PACRG: variants seen among roughly 807,000 people sequenced by gnomAD.
PACRG encodes parkin coregulated, also known as parkin coregulated gene protein.
Under a neutral mutation model 29.7 loss-of-function variants are expected in PACRG, and 29 were observed. The observed-to-expected ratio is 0.98, with a 90% CI of 0.73 to 1.33. The LOEUF is 1.33. PACRG is among the 40% of genes most tolerant of loss of function. PACRG has a pLI of 0.00. For synonymous variants in PACRG, 116 were observed against 118.7 expected (o/e 0.98, Z 0.15); for missense variants, 279 against 316.2 (o/e 0.88, Z 0.89).
chr6:163,167,670 A>C (rs1187252489), intron 4 of PACRG, among the ~76,000 whole-genome samples: 1 of 152,190 alleles, frequency 6.6e-6, no homozygotes, highest in Non-Finnish European at 1.5e-5. Context: ...GAAAGCTATT[A>C]TTTTTCTAAA....
chr6:163,195,077 C>G (rs116367432), intron 4 of PACRG, among the ~76,000 whole-genome samples: 340 of 152,204 alleles, frequency 2.2e-3, no homozygotes, highest in African/African-American at 7.6e-3. Context: ...AGAGGGAGTC[C>G]ACTTCTCTTG....
chr6:162,960,237 C>A (rs1398590269), intron 2 of PACRG, among the ~76,000 whole-genome samples: 1 of 152,154 alleles, frequency 6.6e-6, no homozygotes, highest in African/African-American at 2.4e-5. Flanking sequence ...ACCATTTGAC[C>A]CAACAATCCC....
At chr6:162,957,698 A>G (rs1481570128) in intron 2 of PACRG, 1 of 152,728 alleles carries the variant, frequency 6.5e-6, no homozygotes, top group Non-Finnish European at 1.5e-5. Context: ...ACATGCATAT[A>G]AAAAAGGATC....
intron 4 of PACRG, among the ~76,000 whole-genome samples, chr6:163,265,988 T>C (rs1783517943): frequency 6.6e-6 from 1 of 152,240 alleles, no homozygotes; most frequent in South Asian, 2.1e-4. Flanking sequence ...AAATTCATTC[T>C]GTCAACACTT....
chr6:162,788,729 T>C (rs1279614469), intron 1 of PACRG, among the ~76,000 whole-genome samples: 1 of 152,206 alleles, frequency 6.6e-6, no homozygotes, highest in Non-Finnish European at 1.5e-5. Context: ...TGATACCTCA[T>C]TTTTTAAATT....
At chr6:163,010,951 G>T (rs1023991939) in intron 2 of PACRG, among the ~76,000 whole-genome samples, 1 of 152,236 alleles carries the variant, frequency 6.6e-6, no homozygotes, top group Non-Finnish European at 1.5e-5. Context: ...CCCTTAGGAG[G>T]ATCTGCTGCA....
intron 1 of PACRG, among the ~76,000 whole-genome samples, chr6:162,774,779 C>A (rs1410188878): frequency 1.3e-5 from 2 of 152,170 alleles, no homozygotes; most frequent in East Asian, 1.9e-4. Context: ...AATCACTCTT[C>A]TACTACTGAA....
At chr6:163,117,480 A>G (rs918603641) in intron 4 of PACRG, among the ~76,000 whole-genome samples, 5 of 152,194 alleles carry the variant, frequency 3.3e-5, no homozygotes, top group African/African-American at 1.2e-4. Context: ...GGCCAGGTCC[A>G]GTAGCTCATG....
intron 2 of PACRG, among the ~76,000 whole-genome samples, chr6:163,061,716 A>C (rs375015969): frequency 3.1e-4 from 47 of 152,140 alleles, no homozygotes; most frequent in African/African-American, 9.4e-4. Flanking sequence ...ATGAACATGC[A>C]CTTCTGTAGC....
intron 4 of PACRG, among the ~76,000 whole-genome samples, chr6:163,162,744 G>A (rs890989196): frequency 2.6e-5 from 4 of 152,258 alleles, no homozygotes; most frequent in Admixed American, 6.5e-5. Context: ...TGGTAGGGCT[G>A]CAGCCAGGGT....
chr6:163,141,006 T>C (rs493116), intron 4 of PACRG, among the ~76,000 whole-genome samples: 13,149 of 152,162 alleles, frequency 0.086, 580 homozygotes, highest in Admixed American at 0.13. Context: ...ATTAAATATG[T>C]AAATTGTATC....
At chr6:163,147,243 C>A (rs1777839162) in intron 4 of PACRG, among the ~76,000 whole-genome samples, 1 of 152,162 alleles carries the variant, frequency 6.6e-6, no homozygotes, top group South Asian at 2.1e-4. Flanking sequence ...TTAAAGGAAG[C>A]AATATGAGCA....
intron 1 of PACRG, among the ~76,000 whole-genome samples, chr6:162,739,489 A>T (rs1780406344): frequency 6.6e-6 from 1 of 152,152 alleles, no homozygotes; most frequent in African/African-American, 2.4e-5. Flanking sequence ...CATAAATTTT[A>T]AATTTAACTT....
chr6:163,158,637 T>C (rs772028304), intron 4 of PACRG, among the ~76,000 whole-genome samples: 12 of 152,182 alleles, frequency 7.9e-5, no homozygotes, highest in South Asian at 2.1e-4. Context: ...GAAGAGGTAA[T>C]AGCAAAATAT....
chr6:162,788,411 C>T (rs1784680553), intron 1 of PACRG, among the ~76,000 whole-genome samples: 1 of 152,140 alleles, frequency 6.6e-6, no homozygotes, highest in Non-Finnish European at 1.5e-5. Flanking sequence ...TATCCATTCA[C>T]CCACTGAAGG....
At chr6:162,842,070 C>T (rs1359277541) in intron 2 of PACRG, among the ~76,000 whole-genome samples, 1 of 149,798 alleles carries the variant, frequency 6.7e-6, no homozygotes, top group African/African-American at 2.4e-5. Flanking sequence ...AATGTATATT[C>T]TGTTGATTTG....
chr6:163,308,962 A>G (rs1378351296), intron 4 of PACRG, among the ~76,000 whole-genome samples: 1 of 152,246 alleles, frequency 6.6e-6, no homozygotes, highest in Non-Finnish European at 1.5e-5. Flanking sequence ...TTTTTAGTTC[A>G]GCATTTGAGA....
At chr6:163,028,340 T>A (rs1807339202) in intron 2 of PACRG, among the ~76,000 whole-genome samples, 1 of 152,176 alleles carries the variant, frequency 6.6e-6, no homozygotes, top group East Asian at 1.9e-4. Context: ...CTAGTGACAC[T>A]CTTTGGGCAT....
intron 2 of PACRG, among the ~76,000 whole-genome samples, chr6:162,947,349 A>AT (rs1491156729): frequency 2.4e-5 from 1 of 41,776 alleles, no homozygotes; most frequent in African/African-American, 1.1e-4. Flanking sequence ...TATAATGATT[A>AT]CATATATATA....
Sources: gnomAD v4.1 joint callset for allele counts (sites outside exome capture counted in the v4.1 genomes callset) on GRCh38, gnomAD v4.1.1 for gene constraint, MANE v1.5 for transcripts, NCBI Gene and HGNC (gene_info 2026-07-23, HGNC 2026-07-21) for gene names.